AP3B1: variants seen among roughly 807,000 people sequenced by gnomAD.
The protein encoded by AP3B1 is AP-3 complex subunit beta-1.
A neutral mutation model predicts 132.5 loss-of-function variants in AP3B1; 61 were observed. The observed-to-expected ratio is 0.46, with a 90% CI of 0.37 to 0.57. The LOEUF is 0.57. Ranked by LOEUF, AP3B1 falls within the 20% of genes least tolerant of loss-of-function variation. AP3B1 has a pLI of 0.00. For synonymous variants in AP3B1, 388 were observed against 438.3 expected, an observed-to-expected ratio of 0.89 and a Z score of 1.43; for missense variants, 1,120 against 1,289.4, an observed-to-expected ratio of 0.87 and a Z score of 2.01.
At chr5:78,275,494 T>TG (rs948610648) in intron 1 of AP3B1, among the ~76,000 whole-genome samples, 53 of 152,112 alleles carry the variant, frequency 3.5e-4, no homozygotes, top group Non-Finnish European at 5.3e-4. Flanking sequence ...TTTTTTTTTT[T>TG]GGGGGACAGT....
At chr5:78,067,399 C>A (rs909357828) in intron 22 of AP3B1, among the ~76,000 whole-genome samples, 2 of 152,172 alleles carry the variant, frequency 1.3e-5, no homozygotes, top group East Asian at 3.9e-4. Context: ...AGAACTTGAA[C>A]TCAGCTCCGG....
intron 25 of AP3B1, among the ~76,000 whole-genome samples, chr5:78,018,376 G>C (rs1348739790): frequency 1.3e-5 from 2 of 151,770 alleles, no homozygotes; most frequent in African/African-American, 4.8e-5. Flanking sequence ...CTGAGAAAAA[G>C]TGATAGATCA....
chr5:78,194,810 C>T (rs1580470754), intron 7 of AP3B1, among the ~76,000 whole-genome samples: 1 of 152,138 alleles, frequency 6.6e-6, no homozygotes, highest in East Asian at 1.9e-4. Flanking sequence ...ATGTGTATCT[C>T]CAAAAATCCA....
chr5:78,032,070 C>T (rs1747603426), intron 24 of AP3B1, among the ~76,000 whole-genome samples: 1 of 152,038 alleles, frequency 6.6e-6, no homozygotes. Context: ...ATTTGATGAC[C>T]ATTTAAAATC....
intron 22 of AP3B1, among the ~76,000 whole-genome samples, chr5:78,064,276 C>T (rs780839634): frequency 6.6e-6 from 1 of 151,756 alleles, no homozygotes; most frequent in Admixed American, 6.6e-5. Flanking sequence ...ACCTTATATA[C>T]GCATGTTTAG....
In AP3B1 at chr5:78,267,541, A is replaced by T; in HGVS notation, c.183T>A (p.Asp61Glu). The change falls in exon 2 of 27, where the codon GAT becomes GAA. Residue 61 changes from aspartate (D) to glutamate (E), a missense_variant. Physicochemically the swap from Asp to Glu is conservative, Grantham distance 45. Transcript: ENST00000255194. ...CTACCCCAACAATCCGCTTCATAGC[A>T]TCCAGTTTAGCAGAATCTTTGTTGC... ...LESNKDSAKL[D>E]AMKRIVGMIA... is the part of the protein sequence containing the mutation. 1 of 1,611,632 alleles carries T rather than the reference A, an allele frequency of 6.2e-7. No individual in the cohort carries two copies. Among genetic ancestry groups the T allele is most frequent in the African/African-American group, 1.3e-5 (1 of 74,986 alleles).
intron 22 of AP3B1, among the ~76,000 whole-genome samples, chr5:78,058,611 A>G (rs1748915320): frequency 6.6e-6 from 1 of 152,216 alleles, no homozygotes; most frequent in African/African-American, 2.4e-5. Flanking sequence ...TACTAGGAAG[A>G]TATGACACTT....
At chr5:78,213,600 C>T (rs541776466) in intron 7 of AP3B1, among the ~76,000 whole-genome samples, 9 of 152,158 alleles carry the variant, frequency 5.9e-5, no homozygotes, top group Middle Eastern at 3.4e-3. Flanking sequence ...CTTACACAAT[C>T]GATGAATAAT....
intron 25 of AP3B1, among the ~76,000 whole-genome samples, chr5:78,019,452 C>A (rs1478904856): frequency 6.6e-6 from 1 of 152,122 alleles, no homozygotes; most frequent in Non-Finnish European, 1.5e-5. Flanking sequence ...TATTCAGTCA[C>A]CGTGTGCCAC....
rs555595735 is a variant in AP3B1 at position 78,292,035 on chromosome 5, A to C, written c.128+2417T>G. 3.3e-5 allele frequency among the ~76,000 whole-genome samples: 5 copies of C among 152,268 alleles called. No homozygotes were observed. In the South Asian group the frequency reaches 8.3e-4, roughly 25 times the overall value. On this transcript the variant is annotated intron_variant, in intron 1 of 26. Coordinates refer to ENST00000255194, the MANE Select transcript of AP3B1 (RefSeq NM_003664.5). The stretch of plus-strand genomic sequence containing the variant: ...GAGTGGCAGAGAGAGTAAGCAAGCA[A>C]TGTAGCATTTTTTTTTTAATTGGTA...
intron 2 of AP3B1, among the ~76,000 whole-genome samples, chr5:78,256,468 G>A (rs1157376880): frequency 6.6e-6 from 1 of 151,990 alleles, no homozygotes; most frequent in African/African-American, 2.4e-5. Context: ...ATTGAATCAG[G>A]AAGAAATCCA....
At chr5:78,064,088 G>A (rs1749175655) in intron 22 of AP3B1, among the ~76,000 whole-genome samples, 2 of 150,438 alleles carry the variant, frequency 1.3e-5, no homozygotes. Context: ...AAAAAAAAAA[G>A]GAGCATGAAG....
At chr5:78,218,781 G>C (rs1746062699) in intron 6 of AP3B1, among the ~76,000 whole-genome samples, 1 of 152,106 alleles carries the variant, frequency 6.6e-6, no homozygotes, top group East Asian at 1.9e-4. Flanking sequence ...ATCAAGGTTT[G>C]ATTGATAATA....
chr5:78,276,159 A>C (rs2112575006), intron 1 of AP3B1, among the ~76,000 whole-genome samples: 1 of 151,410 alleles, frequency 6.6e-6, no homozygotes, highest in South Asian at 2.1e-4. Context: ...TCAAACTCCT[A>C]AGCTCATGAG....
chr5:78,078,117 T>C (rs1749836663), intron 22 of AP3B1, among the ~76,000 whole-genome samples: 1 of 152,096 alleles, frequency 6.6e-6, no homozygotes. Flanking sequence ...TTCACTAAAA[T>C]CCAGAATGGA....
rs548442999 is a variant in AP3B1, at chr5:78,074,687, G to A, written c.2577+14706C>T. ...TTCTTCACCGGGCACGGTGGCTCATGCCTGTAATCCCACCACTTTGGGAGG... is the reference window on the plus strand; with the variant it reads ...TTCTTCACCGGGCACGGTGGCTCATACCTGTAATCCCACCACTTTGGGAGG... On this transcript the variant is annotated intron_variant, in intron 22 of 26. Coordinates refer to ENST00000255194, the MANE Select transcript of AP3B1 (RefSeq NM_003664.5). Among the ~76,000 whole-genome samples, 4 of 152,278 alleles carry A rather than the reference G, an allele frequency of 2.6e-5. No homozygotes were observed. The East Asian group carries it at 7.7e-4, about 29-fold the overall frequency.
At chr5:78,045,469 C>T (rs113741830) in intron 22 of AP3B1, among the ~76,000 whole-genome samples, 44 of 151,130 alleles carry the variant, frequency 2.9e-4, no homozygotes, top group East Asian at 5.8e-4. Context: ...AGTCATATTA[C>T]GCCAAACTTC....
chr5:78,055,001 A>G (rs1278024921), intron 22 of AP3B1, among the ~76,000 whole-genome samples: 1 of 142,972 alleles, frequency 7.0e-6, no homozygotes, highest in Non-Finnish European at 1.5e-5. Flanking sequence ...CATAAGACAG[A>G]CAGACAGACC....
intron 2 of AP3B1, among the ~76,000 whole-genome samples, chr5:78,250,331 T>C (rs1413170498): frequency 6.6e-6 from 1 of 152,016 alleles, no homozygotes; most frequent in East Asian, 1.9e-4. Context: ...AGAAAAACAG[T>C]GAAGAACTTA....
Sources: allele counts gnomAD v4.1 joint callset (sites outside exome capture counted in the v4.1 genomes callset), GRCh38; gene constraint gnomAD v4.1.1; transcripts MANE v1.5; gene names NCBI Gene and HGNC (gene_info 2026-07-23, HGNC 2026-07-21).